SGCG: variants seen among roughly 807,000 people sequenced by gnomAD.
The protein encoded by SGCG is gamma-sarcoglycan.
SGCG carries 26 observed loss-of-function variants against 29.3 expected under a neutral mutation model. That is an observed-to-expected ratio of 0.89 (90% CI 0.65 to 1.23). SGCG has a LOEUF of 1.23. Ranked by LOEUF, SGCG falls within the 50% of genes most tolerant of loss-of-function variation. SGCG has a pLI of 0.00. For missense variants in SGCG, 353 were observed against 356.0 expected (o/e 0.99, Z 0.07); for synonymous variants, 145 against 129.7 (o/e 1.12, Z -0.80).
chr13:23,253,014 A>T (rs1251940202), intron 4 of SGCG, among the ~76,000 whole-genome samples: 1 of 152,138 alleles, frequency 6.6e-6, no homozygotes, highest in African/African-American at 2.4e-5. Flanking sequence ...AGTTGCTTCA[A>T]ATATAGTTTC....
At chr13:23,179,881 A>AT (rs1448499892), upstream of SGCG, among the ~76,000 whole-genome samples, 2 of 152,040 alleles carry the variant, frequency 1.3e-5, no homozygotes, top group Non-Finnish European at 2.9e-5. Flanking sequence ...TTTTTTCTTC[A>AT]TTTTTTATTT....
chr13:23,249,009 A>AC (rs1171757018), intron 3 of SGCG, among the ~76,000 whole-genome samples: 8 of 148,982 alleles, frequency 5.4e-5, no homozygotes, highest in East Asian at 2.0e-4. Context: ...AAAAAAAAAA[A>AC]AAACAAACCT....
intron 2 of SGCG, among the ~76,000 whole-genome samples, chr13:23,228,430 T>C (rs1878982591): frequency 8.1e-6 from 1 of 124,020 alleles, no homozygotes; most frequent in African/African-American, 2.8e-5. Flanking sequence ...TGTCAATTCC[T>C]ACTTTTTTTC....
chr13:23,212,458 C>T (rs1265330569), intron 2 of SGCG, among the ~76,000 whole-genome samples: 5 of 152,028 alleles, frequency 3.3e-5, no homozygotes, highest in Non-Finnish European at 7.4e-5. Context: ...TAGCATAAAA[C>T]TTATGCTCTG....
upstream of SGCG, among the ~76,000 whole-genome samples, chr13:23,180,094 G>GTGT (rs1876680227): frequency 6.6e-6 from 1 of 151,994 alleles, no homozygotes; most frequent in African/African-American, 2.4e-5. Flanking sequence ...TGTATACTAA[G>GTGT]GCACTGCTTC....
intron 6 of SGCG, among the ~76,000 whole-genome samples, chr13:23,303,449 G>A (rs1882246137): frequency 6.6e-6 from 1 of 152,228 alleles, no homozygotes; most frequent in South Asian, 2.1e-4. Context: ...CGAGCTCTCT[G>A]CCCACAGGCA....
At chr13:23,172,838 A>AGG in the SGCG span, among the ~76,000 whole-genome samples, 14 of 152,222 alleles carry the variant, frequency 9.2e-5, no homozygotes, top group Non-Finnish European at 8.8e-5. Flanking sequence ...GAAGGTGCTT[A>AGG]GGGGGACACC....
At chr13:23,195,397 G>C (rs757352310) in intron 1 of SGCG, among the ~76,000 whole-genome samples, 9 of 152,056 alleles carry the variant, frequency 5.9e-5, no homozygotes, top group African/African-American at 1.2e-4. Context: ...ATCAAAACAA[G>C]ACCAGTTTTA....
chr13:23,320,487 G>T, intron 6 of SGCG, 150 bp from the exon 7 acceptor site: 1 of 677,392 alleles, frequency 1.5e-6, no homozygotes, highest in African/African-American at 1.8e-5. Context: ...ATTTATCAAT[G>T]AATAATGCAC....
the SGCG span, among the ~76,000 whole-genome samples, chr13:23,172,807 G>A: frequency 5.3e-5 from 8 of 152,198 alleles, 1 homozygote; most frequent in South Asian, 1.7e-3. Flanking sequence ...ATTAGCCTAT[G>A]CTGAAGGCCA....
intron 3 of SGCG, chr13:23,246,371 G>T (rs2018273): frequency 0.14 from 21,261 of 152,230 alleles, 1,769 homozygotes; most frequent in African/African-American, 0.22. Context: ...AAGCAACAGG[G>T]TTTCATTGTT....
intron 5 of SGCG, among the ~76,000 whole-genome samples, chr13:23,294,000 T>G (rs1881814750): frequency 6.6e-6 from 1 of 152,174 alleles, no homozygotes; most frequent in Non-Finnish European, 1.5e-5. Flanking sequence ...AATTGTTTCA[T>G]TATAGAAGCT....
At chr13:23,270,688 T>C (rs1199000858) in intron 4 of SGCG, among the ~76,000 whole-genome samples, 3 of 152,216 alleles carry the variant, frequency 2.0e-5, no homozygotes, top group East Asian at 3.8e-4. Flanking sequence ...TACTTGTTAT[T>C]GTTATGTATT....
chr13:23,169,862 T>G, the SGCG span: 1 of 152,328 alleles, frequency 6.6e-6, no homozygotes, highest in Non-Finnish European at 1.5e-5. Flanking sequence ...ATTTATTGAC[T>G]GGCATAACGG....
chr13:23,212,571 G>A (rs1349276770), intron 2 of SGCG, among the ~76,000 whole-genome samples: 7 of 152,166 alleles, frequency 4.6e-5, no homozygotes, highest in Non-Finnish European at 1.0e-4. Flanking sequence ...AATGAGTATA[G>A]AAAGAGGCAA....
intron 1 of SGCG, among the ~76,000 whole-genome samples, chr13:23,182,209 A>G (rs1876766521): frequency 6.6e-6 from 1 of 152,230 alleles, no homozygotes; most frequent in South Asian, 2.1e-4. Flanking sequence ...AAATTGCATT[A>G]AAAATTAAAT....
intron 6 of SGCG, among the ~76,000 whole-genome samples, chr13:23,312,046 C>G (rs2137510958): frequency 6.6e-6 from 1 of 152,288 alleles, no homozygotes; most frequent in South Asian, 2.1e-4. Flanking sequence ...TGGTGCCATC[C>G]CCTCCCATAA....
rs146093664 is a variant in SGCG, at chr13:23,229,425, A to G, written c.196-5186A>G. On this transcript the variant is annotated intron_variant, in intron 2 of 7. Transcript: ENST00000218867. ...TAATTTACACTCTCACCAGCAGCATATAAGTGTTTGCTATTTCTCTGCAAC... is the reference window on the plus strand; with the variant it reads ...TAATTTACACTCTCACCAGCAGCATGTAAGTGTTTGCTATTTCTCTGCAAC... Among the ~76,000 whole-genome samples the G allele has an allele frequency of 3.0e-3, 457 of 152,328 alleles. 1 individual carries two copies. Among genetic ancestry groups the G allele is most frequent in the Non-Finnish European group, 5.4e-3 (364 of 68,034 alleles).
intron 3 of SGCG, chr13:23,246,810 C>T (rs1879729276): frequency 5.2e-6 from 1 of 192,050 alleles, no homozygotes; most frequent in South Asian, 1.1e-4. Context: ...CGATGAAGAC[C>T]TACTGGGCAT....
Sources: allele counts gnomAD v4.1 joint callset (sites outside exome capture counted in the v4.1 genomes callset), GRCh38; gene constraint gnomAD v4.1.1; transcripts MANE v1.5; gene names NCBI Gene and HGNC (gene_info 2026-07-23, HGNC 2026-07-21).